The following VAV3 variants were observed in gnomAD, a reference collection of about 807,000 sequenced individuals.
VAV3 encodes vav guanine nucleotide exchange factor 3.
In VAV3, 94 loss-of-function variants were observed where a neutral mutation model predicts 131.2. The ratio of observed to expected loss-of-function variants is 0.72; its 90% CI spans 0.61 to 0.85. The LOEUF (loss-of-function observed/expected upper bound fraction) is 0.85. Ranked by LOEUF, VAV3 falls within the 40% of genes least tolerant of loss-of-function variation. The pLI, the probability that VAV3 is intolerant of heterozygous loss-of-function variation, is 0.00. For missense variants in VAV3, 939 were observed against 1,002.7 expected (o/e 0.94, Z 0.86); for synonymous variants, 349 against 342.0 (o/e 1.02, Z -0.22).
intron 1 of VAV3, among the ~76,000 whole-genome samples, chr1:107,884,813 C>T (rs1028465890): frequency 1.3e-5 from 2 of 151,938 alleles, no homozygotes; most frequent in African/African-American, 4.8e-5. Context: ...AATCTACATT[C>T]CAAAGAAAGC....
At chr1:107,640,356 G>A (rs1655253151) in intron 20 of VAV3, among the ~76,000 whole-genome samples, 1 of 151,970 alleles carries the variant, frequency 6.6e-6, no homozygotes, top group African/African-American at 2.4e-5. Flanking sequence ...TGTGAAATAA[G>A]CCATACAAAA....
At chr1:107,798,863 G>T (rs750527604) in intron 2 of VAV3, among the ~76,000 whole-genome samples, 5 of 151,750 alleles carry the variant, frequency 3.3e-5, no homozygotes, top group African/African-American at 4.8e-5. Context: ...TTACTGATAG[G>T]TATACATAAA....
chr1:107,744,754 GAAAACA>G (rs1448678182), intron 15 of VAV3, among the ~76,000 whole-genome samples: 1 of 152,040 alleles, frequency 6.6e-6, no homozygotes, highest in Non-Finnish European at 1.5e-5. Context: ...TTCACAGTGA[GAAAACA>G]AAAACAAAAA....
intron 15 of VAV3, among the ~76,000 whole-genome samples, chr1:107,733,585 G>A (rs866504340): frequency 6.6e-5 from 10 of 152,114 alleles, no homozygotes; most frequent in Non-Finnish European, 8.8e-5. Flanking sequence ...TGAGAACTAC[G>A]TGACTCATAC....
In VAV3 at chr1:107,712,855, C is replaced by T. The variant is rs891321239; in HGVS notation, c.1503-7794G>A. On this transcript the variant is annotated intron_variant, in intron 15 of 26. Transcript: ENST00000370056. The stretch of plus-strand genomic sequence containing the variant: ...TGACAAGTGCTACAAAGAAAGATCA[C>T]GTTAGGAAAACTTGAAACGTAAATT... Among the ~76,000 whole-genome samples the T allele has an allele frequency of 5.3e-5, 8 of 152,168 alleles. No homozygotes were observed. In the East Asian group the frequency reaches 7.7e-4, roughly 15 times the overall value.
Position 107,704,570 on chromosome 1 carries a change from C to T in VAV3, c.1685G>A (p.Cys562Tyr). 6.2e-7 allele frequency: 1 copy of T among 1,613,702 alleles called. No individual in the cohort carries two copies. Among genetic ancestry groups the T allele is most frequent in the Non-Finnish European group, 8.5e-7 (1 of 1,179,684 alleles). ...CTTACCACCAGAATTAACTCTGCCA[C>T]AATTGTCTACTCTTCCCAAACATTC... ...HKECLGRVDN[C>Y]GRVNSGEQGT... The change falls in exon 17 of 27, where the codon TGT becomes TAT. Residue 562 changes from cysteine to tyrosine, a missense_variant. Transcript: ENST00000370056.
At chr1:107,601,368 T>C (rs565096182) in intron 24 of VAV3, among the ~76,000 whole-genome samples, 5 of 152,332 alleles carry the variant, frequency 3.3e-5, no homozygotes, top group African/African-American at 1.2e-4. Context: ...TTTAAAACAC[T>C]GACACCTGCC....
intron 2 of VAV3, among the ~76,000 whole-genome samples, chr1:107,800,451 C>T (rs1666775137): frequency 6.6e-6 from 1 of 152,046 alleles, no homozygotes; most frequent in South Asian, 2.1e-4. Flanking sequence ...ATTAGTGATG[C>T]TGAACATTTT....
chr1:107,773,507 T>G (rs141882107), intron 4 of VAV3, among the ~76,000 whole-genome samples: 1 of 152,110 alleles, frequency 6.6e-6, no homozygotes, highest in South Asian at 2.1e-4. Flanking sequence ...CAGTCCCCCA[T>G]CAACCAGACC....
At chr1:107,835,225 G>A (rs1467309806) in intron 2 of VAV3, among the ~76,000 whole-genome samples, 1 of 152,178 alleles carries the variant, frequency 6.6e-6, no homozygotes, top group Non-Finnish European at 1.5e-5. Flanking sequence ...ACACCGCACA[G>A]GTTCCATTAC....
At chr1:107,839,908 C>T (rs535959910) in intron 2 of VAV3, among the ~76,000 whole-genome samples, 13 of 152,260 alleles carry the variant, frequency 8.5e-5, no homozygotes, top group Admixed American at 2.6e-4. Flanking sequence ...ACTATGCCCA[C>T]AAATTTGATA....
intron 20 of VAV3, among the ~76,000 whole-genome samples, chr1:107,625,650 G>A (rs1204851676): frequency 6.6e-6 from 1 of 152,192 alleles, no homozygotes; most frequent in Admixed American, 6.5e-5. Flanking sequence ...GTGTGAAGCG[G>A]TCTATTTTCC....
At chr1:107,956,719 T>G (rs1674834055) in intron 1 of VAV3, among the ~76,000 whole-genome samples, 1 of 152,112 alleles carries the variant, frequency 6.6e-6, no homozygotes, top group Non-Finnish European at 1.5e-5. Flanking sequence ...ATCAGATGAC[T>G]GGATGGCCCA....
intron 19 of VAV3, among the ~76,000 whole-genome samples, chr1:107,680,629 T>C (rs1373701036): frequency 1.3e-5 from 2 of 152,086 alleles, no homozygotes; most frequent in African/African-American, 2.4e-5. Flanking sequence ...CTCACCACAG[T>C]CCCAAGCTCC....
chr1:107,867,382 T>C (rs939783103), intron 2 of VAV3, among the ~76,000 whole-genome samples: 3 of 151,708 alleles, frequency 2.0e-5, no homozygotes, highest in African/African-American at 7.3e-5. Flanking sequence ...TAAGAGGAGG[T>C]AGGAATGGAA....
At chr1:107,583,255 G>T (rs533539651) in intron 25 of VAV3, among the ~76,000 whole-genome samples, 1 of 152,082 alleles carries the variant, frequency 6.6e-6, no homozygotes, top group Non-Finnish European at 1.5e-5. Context: ...CTTTTTGATG[G>T]GGTTGTTTGA....
intron 22 of VAV3, among the ~76,000 whole-genome samples, chr1:107,608,036 T>G (rs1652430201): frequency 6.6e-6 from 1 of 151,022 alleles, no homozygotes; most frequent in African/African-American, 2.4e-5. Flanking sequence ...AAATAGATTG[T>G]CCAGGTTGCT....
intron 25 of VAV3, among the ~76,000 whole-genome samples, chr1:107,580,288 T>C (rs1649947841): frequency 6.6e-6 from 1 of 152,200 alleles, no homozygotes; most frequent in Non-Finnish European, 1.5e-5. Flanking sequence ...TTCTGCTCAC[T>C]TAAACTGCTC....
intron 2 of VAV3, among the ~76,000 whole-genome samples, chr1:107,787,871 C>A (rs1408914060): frequency 1.3e-5 from 2 of 152,114 alleles, no homozygotes; most frequent in African/African-American, 4.8e-5. Flanking sequence ...GCCTTCTTGA[C>A]CTCAACACTC....
Sources: allele counts gnomAD v4.1 joint callset (sites outside exome capture counted in the v4.1 genomes callset), GRCh38; gene constraint gnomAD v4.1.1; transcripts MANE v1.5; gene names NCBI Gene and HGNC (gene_info 2026-07-23, HGNC 2026-07-21).